THRB: variants seen among roughly 807,000 people sequenced by gnomAD.
THRB encodes the protein thyroid hormone receptor beta.
A neutral mutation model predicts 47.8 loss-of-function variants in THRB; 12 were observed. That is an observed-to-expected ratio of 0.25 (90% CI 0.16 to 0.41). The LOEUF (loss-of-function observed/expected upper bound fraction) is 0.41, where lower values mean the gene tolerates loss of function less well. Ranked by LOEUF, THRB falls within the 10% of genes least tolerant of loss-of-function variation. The pLI, the probability that THRB is intolerant of heterozygous loss-of-function variation, is 1.00. For missense variants in THRB, 348 were observed against 589.2 expected, an observed-to-expected ratio of 0.59 and a Z score of 4.24; for synonymous variants, 218 against 212.2, an observed-to-expected ratio of 1.03 and a Z score of -0.24.
intron 1 of THRB, among the ~76,000 whole-genome samples, chr3:24,363,502 G>T (rs1220860426): frequency 6.6e-6 from 1 of 152,122 alleles, no homozygotes; most frequent in Non-Finnish European, 1.5e-5. Flanking sequence ...GTGGGTCAAA[G>T]TGCTTAGTCC....
intron 1 of THRB, among the ~76,000 whole-genome samples, chr3:24,340,702 T>C (rs1017880796): frequency 2.0e-5 from 3 of 152,198 alleles, no homozygotes; most frequent in Non-Finnish European, 2.9e-5. Context: ...TCAATGGGAA[T>C]GCACATTTTA....
At chr3:24,140,508 G>A (rs1326637971) in intron 8 of THRB, among the ~76,000 whole-genome samples, 1 of 152,038 alleles carries the variant, frequency 6.6e-6, no homozygotes, top group African/African-American at 2.4e-5. Flanking sequence ...TTTTTACATG[G>A]CTAGCTTGGG....
intron 3 of THRB, among the ~76,000 whole-genome samples, chr3:24,251,595 T>C (rs781460528): frequency 1.3e-5 from 2 of 152,128 alleles, no homozygotes; most frequent in African/African-American, 2.4e-5. Context: ...TGATGAATTG[T>C]TTGATTTTCT....
intron 4 of THRB, among the ~76,000 whole-genome samples, chr3:24,212,567 G>C (rs1368065809): frequency 1.0e-5 from 1 of 99,110 alleles, no homozygotes; most frequent in Non-Finnish European, 1.8e-5. Flanking sequence ...GACAAAGAAC[G>C]ACTCCGTCTC....
chr3:24,282,928 T>C (rs1229681176), intron 3 of THRB, among the ~76,000 whole-genome samples: 1 of 151,830 alleles, frequency 6.6e-6, no homozygotes, highest in Admixed American at 6.6e-5. Flanking sequence ...GGATCTGAAA[T>C]TGTGGCAATA....
Position 24,122,401 on chromosome 3 carries a change from A to AGAT in THRB, c.*480_*482dup, listed in dbSNP as rs2031847988. The AGAT allele has an allele frequency of 9.2e-6, 2 of 217,318 alleles. No homozygotes were observed. The highest frequency in any genetic ancestry group is 4.6e-5 in the African/African-American group (2 of 43,720). 13.5% of individuals were successfully genotyped at this position (217,318 alleles called of 1,614,324 possible). On this transcript the variant is annotated 3_prime_UTR_variant, in exon 11 of 11. Transcript: ENST00000646209. The stretch of plus-strand genomic sequence containing the variant: ...TGCTGCAAACAGCATGCTCTTGAAT[A>AGAT]GATGAAAATTTGTTCGAGTCTTTCC...
intron 4 of THRB, among the ~76,000 whole-genome samples, chr3:24,202,834 G>T (rs1218926072): frequency 2.6e-5 from 4 of 152,204 alleles, no homozygotes; most frequent in African/African-American, 7.2e-5. Context: ...TAAATAGGTA[G>T]CTACTTTCAT....
chr3:24,202,072 A>G (rs1326021961), intron 4 of THRB, among the ~76,000 whole-genome samples: 2 of 152,190 alleles, frequency 1.3e-5, no homozygotes, highest in African/African-American at 4.8e-5. Context: ...TCCAGGCCCA[A>G]GTAGGATTAG....
At chr3:24,352,178 C>T (rs2063399288) in intron 1 of THRB, among the ~76,000 whole-genome samples, 1 of 152,120 alleles carries the variant, frequency 6.6e-6, no homozygotes, top group African/African-American at 2.4e-5. Flanking sequence ...TGAGAATAAA[C>T]CTTATCTTTC....
chr3:24,351,512 C>A lies in THRB; in HGVS notation c.-260-14141G>T, dbSNP rs549418881. 4.6e-5 allele frequency among the ~76,000 whole-genome samples: 7 copies of A among 152,214 alleles called. No homozygotes were observed. In the South Asian group the frequency reaches 1.5e-3, roughly 32 times the overall value. ...ATGTTATTGAATGAACAGTGGTATG[C>A]ATTTTGTTAATTTGGCCTAAACTCC... On this transcript the variant is annotated intron_variant, in intron 1 of 10. Transcript: ENST00000646209.
intron 4 of THRB, among the ~76,000 whole-genome samples, chr3:24,191,061 ATTAT>A (rs1395719541): frequency 2.6e-5 from 4 of 151,894 alleles, no homozygotes; most frequent in Admixed American, 2.6e-4. Context: ...CAGCTGGTTA[ATTAT>A]TTATGTATAT....
intron 3 of THRB, among the ~76,000 whole-genome samples, chr3:24,237,505 T>A (rs996598210): frequency 7.9e-5 from 12 of 152,146 alleles, no homozygotes; most frequent in African/African-American, 2.9e-4. Flanking sequence ...TTAGTCAATA[T>A]CCAGGCCAAA....
At chr3:24,271,296 C>T (rs2053299816) in intron 3 of THRB, among the ~76,000 whole-genome samples, 1 of 152,136 alleles carries the variant, frequency 6.6e-6, no homozygotes. Context: ...AGAACTTGCT[C>T]TTTTTTCTCT....
intron 1 of THRB, among the ~76,000 whole-genome samples, chr3:24,339,600 A>C (rs914146971): frequency 6.6e-6 from 1 of 152,194 alleles, no homozygotes; most frequent in Non-Finnish European, 1.5e-5. Context: ...GCTATAATAC[A>C]AACATGCGGC....
chr3:24,344,514 T>A (rs1176316521), intron 1 of THRB, among the ~76,000 whole-genome samples: 1 of 152,054 alleles, frequency 6.6e-6, no homozygotes, highest in East Asian at 1.9e-4. Context: ...GTATGACCTG[T>A]TCAAACAGAA....
Position 24,412,649 on chromosome 3 carries a change from A to T in THRB, c.-260-75278T>A, listed in dbSNP as rs1360006820. Among the ~76,000 whole-genome samples the T allele has an allele frequency of 2.6e-5, 4 of 151,988 alleles. No individual in the cohort carries two copies. The East Asian group carries it at 7.8e-4, about 30-fold the overall frequency. On this transcript the variant is annotated intron_variant, in intron 1 of 10. Coordinates refer to ENST00000646209, the MANE Select transcript of THRB (RefSeq NM_001354712.2). ...GAAATACAAAGGAAAACCTCAGTAAAGCATCCCAACATAAATGAAAAGGGA... is the reference window on the plus strand; with the variant it reads ...GAAATACAAAGGAAAACCTCAGTAATGCATCCCAACATAAATGAAAAGGGA...
chr3:24,228,946 C>A lies in THRB; in HGVS notation c.14G>T (p.Ser5Ile). 6.2e-7 allele frequency: 1 copy of A among 1,612,208 alleles called. No individual in the cohort carries two copies. Among genetic ancestry groups the A allele is most frequent in the Non-Finnish European group, 8.5e-7 (1 of 1,178,984 alleles). Residue 5 changes from serine to isoleucine, a missense_variant, in exon 4 of 11, where the codon AGT becomes ATT. Ser to Ile is a moderately radical substitution (Grantham distance 142). Coordinates refer to ENST00000646209, the MANE Select transcript of THRB (RefSeq NM_001354712.2). ...TAAAAAAAAAAAGATACCTGTCATA[C>A]TGTTGGGAGTCATAGGTTAGTAATC... MTPN[S>I]MTENGLTAWD...
chr3:24,148,136 AT>A (rs961071172), intron 6 of THRB, among the ~76,000 whole-genome samples: 3 of 152,084 alleles, frequency 2.0e-5, no homozygotes, highest in South Asian at 2.1e-4. Flanking sequence ...ATTAAAAAAA[AT>A]TTTTTTTGAG....
At chr3:24,449,837 A>G (rs111516707) in intron 1 of THRB, among the ~76,000 whole-genome samples, 51 of 152,312 alleles carry the variant, frequency 3.3e-4, no homozygotes, top group African/African-American at 1.2e-3. Flanking sequence ...GAATAATAGG[A>G]CGCTAAAAAA....
Sources: allele counts gnomAD v4.1 joint callset (sites outside exome capture counted in the v4.1 genomes callset), GRCh38; gene constraint gnomAD v4.1.1; transcripts MANE v1.5; gene names NCBI Gene and HGNC (gene_info 2026-07-23, HGNC 2026-07-21).